SLC30A8: variants seen among roughly 807,000 people sequenced by gnomAD.
SLC30A8 encodes the protein solute carrier family 30 member 8, also known as proton-coupled zinc antiporter SLC30A8.
In SLC30A8, 27 loss-of-function variants were observed where a neutral mutation model predicts 36.9. The observed-to-expected ratio is 0.73, with a 90% CI of 0.54 to 1.01. The LOEUF is 1.01. Among genes scored for constraint, SLC30A8 ranks in the 50% least tolerant of loss-of-function variants. SLC30A8 has a pLI of 0.00. For missense variants in SLC30A8, 439 were observed against 452.0 expected (o/e 0.97, Z 0.26); for synonymous variants, 164 against 172.4 (o/e 0.95, Z 0.38).
At chr8:117,067,828 A>G (rs1818215122) in intron 2 of SLC30A8, among the ~76,000 whole-genome samples, 1 of 152,212 alleles carries the variant, frequency 6.6e-6, no homozygotes, top group Admixed American at 6.5e-5. Flanking sequence ...GTCATACTAA[A>G]TGTCCTTTTC....
At chr8:117,023,926 T>C (rs1423895650) in intron 1 of SLC30A8, among the ~76,000 whole-genome samples, 1 of 151,062 alleles carries the variant, frequency 6.6e-6, no homozygotes, top group Non-Finnish European at 1.5e-5. Flanking sequence ...CATGGGACTC[T>C]TAAGTTTTTT....
intron 1 of SLC30A8, among the ~76,000 whole-genome samples, chr8:116,988,503 G>A (rs763497660): frequency 2.0e-5 from 3 of 152,098 alleles, no homozygotes; most frequent in Non-Finnish European, 4.4e-5. Flanking sequence ...CTTTGGCCCC[G>A]TTCACATAAT....
At chr8:117,038,259 A>G (rs1394995843) in intron 1 of SLC30A8, among the ~76,000 whole-genome samples, 1 of 152,206 alleles carries the variant, frequency 6.6e-6, no homozygotes, top group Non-Finnish European at 1.5e-5. Flanking sequence ...GACAATTATT[A>G]TTTCTAGCTT....
intron 1 of SLC30A8, among the ~76,000 whole-genome samples, chr8:117,019,356 T>C (rs1325891881): frequency 6.6e-6 from 1 of 152,224 alleles, no homozygotes; most frequent in African/African-American, 2.4e-5. Context: ...TGTCACAATT[T>C]CATACAAAAA....
chr8:116,987,621 A>C (rs1022488482), intron 1 of SLC30A8, among the ~76,000 whole-genome samples: 1 of 147,292 alleles, frequency 6.8e-6, no homozygotes, highest in African/African-American at 2.7e-5. Context: ...ACTATTTACC[A>C]AAAAAGAAAA....
At chr8:116,983,423 A>G (rs1586359825) in intron 1 of SLC30A8, among the ~76,000 whole-genome samples, 1 of 152,178 alleles carries the variant, frequency 6.6e-6, no homozygotes, top group Non-Finnish European at 1.5e-5. Context: ...TCCAAGGTAC[A>G]TGAAAAGAAT....
intron 2 of SLC30A8, among the ~76,000 whole-genome samples, chr8:117,049,741 C>T (rs1817653598): frequency 6.6e-6 from 1 of 152,116 alleles, no homozygotes; most frequent in African/African-American, 2.4e-5. Context: ...GCAAGAGCCC[C>T]CTGGCCCTAT....
At chr8:116,990,076 C>T (rs892203286) in intron 1 of SLC30A8, among the ~76,000 whole-genome samples, 2 of 152,152 alleles carry the variant, frequency 1.3e-5, no homozygotes, top group African/African-American at 4.8e-5. Flanking sequence ...AGCCAGTTTC[C>T]AATTCCTGAG....
At chr8:116,977,272 C>T (rs1815073822) in intron 1 of SLC30A8, among the ~76,000 whole-genome samples, 2 of 149,444 alleles carry the variant, frequency 1.3e-5, no homozygotes, top group Admixed American at 6.7e-5. Flanking sequence ...CCTCAGCCAC[C>T]CGAGTAGCTG....
chr8:117,079,528 GA>G (rs1818596809), intron 2 of SLC30A8, among the ~76,000 whole-genome samples: 1 of 152,144 alleles, frequency 6.6e-6, no homozygotes, highest in South Asian at 2.1e-4. Flanking sequence ...CCTTGCTAAT[GA>G]TGGGTTCAGG....
chr8:117,124,010 T>TTCAACATG (rs202176822), intron 2 of SLC30A8, among the ~76,000 whole-genome samples: 5,769 of 151,952 alleles, frequency 0.038, 181 homozygotes, highest in South Asian at 0.062. Context: ...CCTGATTAAT[T>TTCAACATG]TCAACATGAT....
intron 1 of SLC30A8, among the ~76,000 whole-genome samples, chr8:117,006,159 C>T (rs896818100): frequency 3.9e-5 from 6 of 152,100 alleles, no homozygotes; most frequent in Non-Finnish European, 5.9e-5. Flanking sequence ...GAACTCTAAG[C>T]GAATAGGATA....
chr8:117,010,801 A>G (rs1037039173), intron 1 of SLC30A8, among the ~76,000 whole-genome samples: 3 of 152,186 alleles, frequency 2.0e-5, no homozygotes, highest in African/African-American at 2.4e-5. Flanking sequence ...GGCACATCTT[A>G]TATGGCACAG....
At chr8:117,041,017 G>C (rs1817369762) in intron 2 of SLC30A8, among the ~76,000 whole-genome samples, 1 of 152,126 alleles carries the variant, frequency 6.6e-6, no homozygotes, top group African/African-American at 2.4e-5. Flanking sequence ...GATAAACTGA[G>C]GACCAGATTT....
At chr8:116,963,365 A>C (rs186827168) in intron 1 of SLC30A8, among the ~76,000 whole-genome samples, 1 of 152,164 alleles carries the variant, frequency 6.6e-6, no homozygotes, top group East Asian at 1.9e-4. Flanking sequence ...TGATGCGACC[A>C]CCATGACTAC....
intron 2 of SLC30A8, among the ~76,000 whole-genome samples, chr8:117,106,585 A>C (rs1417641321): frequency 2.0e-5 from 3 of 152,144 alleles, no homozygotes. Flanking sequence ...ACTGCTGAGA[A>C]TTAGAGCTTG....
Position 117,176,115 on chromosome 8 carries a change from C to A in SLC30A8, c.*3434C>A, listed in dbSNP as rs1313396796. The A allele has an allele frequency of 1.3e-5, 2 of 152,042 alleles. No individual in the cohort carries two copies. The highest frequency in any genetic ancestry group is 1.3e-4 in the Admixed American group (2 of 15,232). 9.4% of individuals were successfully genotyped at this position (152,042 alleles called of 1,614,324 possible). The stretch of plus-strand genomic sequence containing the variant: ...AGCCTCAACTTTCTCTGACCGGGTG[C>A]ATTTCTTTCTCTGGTTTCTAAATTG... On this transcript the variant is annotated 3_prime_UTR_variant, in exon 8 of 8. Coordinates refer to ENST00000456015, the MANE Select transcript of SLC30A8 (RefSeq NM_173851.3).
rs886242932 is a variant in SLC30A8 at position 117,171,421 on chromosome 8, C to T, written c.964+253C>T. ...ACAGAACAAAGGACTAAAATGCACC[C>T]GCCACTTCAAGGCCTTGGACTCTGA... is the stretch of plus-strand genomic sequence containing the variant. On this transcript the variant is annotated intron_variant, in intron 7 of 7. Transcript: ENST00000456015. Among the ~76,000 whole-genome samples, 35 of 152,218 alleles carry T rather than the reference C, an allele frequency of 2.3e-4. No individual in the cohort carries two copies. The East Asian group carries it at 2.9e-3, about 13-fold the overall frequency.
intron 2 of SLC30A8, among the ~76,000 whole-genome samples, chr8:117,041,048 G>C (rs1420028495): frequency 1.3e-5 from 2 of 152,210 alleles, no homozygotes; most frequent in Non-Finnish European, 2.9e-5. Flanking sequence ...CAGCCACACA[G>C]GGAGGAATGC....
Sources: allele counts gnomAD v4.1 joint callset (sites outside exome capture counted in the v4.1 genomes callset), GRCh38; gene constraint gnomAD v4.1.1; transcripts MANE v1.5; gene names NCBI Gene and HGNC (gene_info 2026-07-23, HGNC 2026-07-21).